The following C1GALT1 variants were observed in gnomAD, a reference collection of about 807,000 sequenced individuals.
C1GALT1 encodes the protein glycoprotein-N-acetylgalactosamine 3-beta-galactosyltransferase 1.
A neutral mutation model predicts 31.0 loss-of-function variants in C1GALT1; 11 were observed. The observed-to-expected ratio is 0.36, with a 90% CI of 0.22 to 0.59. The LOEUF is 0.59. C1GALT1 is among the 20% of genes least tolerant of loss of function. The pLI, the probability that C1GALT1 is intolerant of heterozygous loss-of-function variation, is 0.79. For missense variants in C1GALT1, 424 were observed against 425.2 expected, an observed-to-expected ratio of 1.00 and a Z score of 0.03; for synonymous variants, 175 against 143.6, an observed-to-expected ratio of 1.22 and a Z score of -1.56.
chr7:7,207,152 C>G (rs1236444466), intron 1 of C1GALT1, among the ~76,000 whole-genome samples: 1 of 151,950 alleles, frequency 6.6e-6, no homozygotes, highest in Admixed American at 6.6e-5. Context: ...CTTTGTTTTC[C>G]TAAGACTCAA....
At chr7:7,162,700 C>G (rs927087508) in intron 2 of C1GALT1, among the ~76,000 whole-genome samples, 90 of 151,732 alleles carry the variant, frequency 5.9e-4, no homozygotes, top group African/African-American at 1.9e-3. Context: ...CACTGACTTC[C>G]ACAATGGTTG....
At chr7:7,162,382 T>C (rs954469039) in intron 2 of C1GALT1, among the ~76,000 whole-genome samples, 254 of 150,742 alleles carry the variant, frequency 1.7e-3, no homozygotes, top group African/African-American at 5.9e-3. Flanking sequence ...TTTTTGTCCT[T>C]GCGATAGTTT....
intron 2 of C1GALT1, among the ~76,000 whole-genome samples, chr7:7,162,396 G>A (rs1780343899): frequency 6.6e-6 from 1 of 150,696 alleles, no homozygotes; most frequent in South Asian, 2.1e-4. Context: ...ATAGTTTACT[G>A]AGAATGATGA....
chr7:7,208,894 A>T (rs1781870142), intron 1 of C1GALT1, among the ~76,000 whole-genome samples: 1 of 152,202 alleles, frequency 6.6e-6, no homozygotes, highest in African/African-American at 2.4e-5. Flanking sequence ...AATCAGCCAC[A>T]GTTTACCTTA....
chr7:7,175,615 T>C (rs1780497841), intron 2 of C1GALT1, among the ~76,000 whole-genome samples: 1 of 152,216 alleles, frequency 6.6e-6, no homozygotes, highest in Admixed American at 6.5e-5. Context: ...CTGCCCTAGG[T>C]TCTGAGTTAG....
chr7:7,231,786 T>C (rs566038150), intron 1 of C1GALT1, among the ~76,000 whole-genome samples: 1 of 151,420 alleles, frequency 6.6e-6, no homozygotes, highest in African/African-American at 2.4e-5. Flanking sequence ...CCATGTTGTA[T>C]ACCAAAAAAA....
chr7:7,245,179 A>G lies in C1GALT1; in HGVS notation c.*1452A>G, dbSNP rs938568309. 2.0e-5 allele frequency: 3 copies of G among 152,210 alleles called. No homozygotes were observed. Among genetic ancestry groups the G allele is most frequent in the Admixed American group, 6.5e-5 (1 of 15,278 alleles). The allele number at this position is 152,210 out of a possible 1,614,324, so 9.4% of individuals were successfully genotyped here. A position where few individuals can be genotyped will look rare whatever the true frequency, so the allele number is the denominator to read the frequency against. ...TTCCCTCATGTTTATCATTATGCCA[A>G]TTTTACATGGCAGTCATGCCACTGA... On this transcript the variant is annotated 3_prime_UTR_variant, in exon 4 of 4. Transcript: ENST00000436587.
chr7:7,234,019 G>A (rs1407163700), intron 1 of C1GALT1, among the ~76,000 whole-genome samples: 1 of 152,102 alleles, frequency 6.6e-6, no homozygotes, highest in Non-Finnish European at 1.5e-5. Flanking sequence ...GGAAGCCCTG[G>A]ATCCACAAAG....
chr7:7,227,843 A>C (rs56274106), intron 1 of C1GALT1, among the ~76,000 whole-genome samples: 26,606 of 152,202 alleles, frequency 0.17, 2,996 homozygotes, highest in Admixed American at 0.32. Flanking sequence ...CAACAGCAAG[A>C]AGGCTCTTAC....
chr7:7,180,043 G>A (rs1471014931), upstream of C1GALT1, among the ~76,000 whole-genome samples: 1 of 152,148 alleles, frequency 6.6e-6, no homozygotes, highest in Non-Finnish European at 1.5e-5. Flanking sequence ...TTGTCACCCT[G>A]AAGAAATCAG....
At chr7:7,229,337 G>A (rs1357868475) in intron 1 of C1GALT1, among the ~76,000 whole-genome samples, 1 of 152,182 alleles carries the variant, frequency 6.6e-6, no homozygotes, top group Non-Finnish European at 1.5e-5. Flanking sequence ...AGAGGATGTA[G>A]AGAGTGACAA....
At chr7:7,218,907 C>T (rs991719348) in intron 1 of C1GALT1, among the ~76,000 whole-genome samples, 2 of 150,964 alleles carry the variant, frequency 1.3e-5, no homozygotes, top group Non-Finnish European at 2.9e-5. Flanking sequence ...AATCTCGGCT[C>T]ACTGCAAGCT....
At chr7:7,221,054 G>C (rs941670972) in intron 1 of C1GALT1, among the ~76,000 whole-genome samples, 1 of 152,120 alleles carries the variant, frequency 6.6e-6, no homozygotes, top group South Asian at 2.1e-4. Flanking sequence ...GTCTTTATGG[G>C]TCTGTTTTTA....
At chr7:7,237,583 C>T (rs1022670607) in intron 2 of C1GALT1, among the ~76,000 whole-genome samples, 4 of 152,116 alleles carry the variant, frequency 2.6e-5, no homozygotes, top group East Asian at 1.9e-4. Flanking sequence ...CCCATGTCTA[C>T]CATTGTTCTC....
At chr7:7,180,523 T>C (rs1780558581), upstream of C1GALT1, among the ~76,000 whole-genome samples, 1 of 152,356 alleles carries the variant, frequency 6.6e-6, no homozygotes, top group Non-Finnish European at 1.5e-5. Flanking sequence ...TGTTGTTCAC[T>C]GTGCAGATAA....
chr7:7,216,069 A>G (rs770461120), intron 1 of C1GALT1, among the ~76,000 whole-genome samples: 10 of 151,966 alleles, frequency 6.6e-5, no homozygotes, highest in Non-Finnish European at 4.4e-5. Context: ...ACGCTTGCAG[A>G]GGTTTATTAG....
chr7:7,179,784 G>A (rs1407208737), upstream of C1GALT1, among the ~76,000 whole-genome samples: 1 of 149,768 alleles, frequency 6.7e-6, no homozygotes, highest in African/African-American at 2.5e-5. Flanking sequence ...ACTATTAATA[G>A]TGTCTGTGTG....
Position 7,183,948 on chromosome 7 carries a change from G to C in C1GALT1, c.-18+1128G>C, listed in dbSNP as rs531274435. Among the ~76,000 whole-genome samples the C allele has an allele frequency of 3.3e-5, 5 of 152,282 alleles. No individual in the cohort carries two copies. In the South Asian group the frequency reaches 1.0e-3, roughly 32 times the overall value. On this transcript the variant is annotated intron_variant, in intron 1 of 3. Transcript: ENST00000436587. ...GAAATATGTTAACTTACTAAAAGTTGGGCATAGAACATAGCTCTGCCAGGA... is the reference window on the plus strand; with the variant it reads ...GAAATATGTTAACTTACTAAAAGTTCGGCATAGAACATAGCTCTGCCAGGA...
At position 7,182,829 on chromosome 7, in the gene C1GALT1, G is replaced by C; in HGVS notation, c.-18+9G>C. On this transcript the variant is annotated intron_variant, in intron 1 of 3. Coordinates refer to ENST00000436587, the MANE Select transcript of C1GALT1 (RefSeq NM_020156.5). ...GCCGCAGCTGATGTCAGGTATGGCC[G>C]GCGGAGGCGCCCTCAGGCTACGGGT... 1 of 985,594 alleles carries C rather than the reference G, an allele frequency of 1.0e-6. No individual in the cohort carries two copies. The highest frequency in any genetic ancestry group is 1.2e-6 in the Non-Finnish European group (1 of 830,108). 61.1% of individuals were successfully genotyped at this position (985,594 alleles called of 1,614,324 possible).
Sources: allele counts gnomAD v4.1 joint callset (sites outside exome capture counted in the v4.1 genomes callset), GRCh38; gene constraint gnomAD v4.1.1; transcripts MANE v1.5; gene names NCBI Gene and HGNC (gene_info 2026-07-23, HGNC 2026-07-21).